MYO18A: variants seen among roughly 807,000 people sequenced by gnomAD.
MYO18A encodes the protein unconventional myosin-XVIIIa.
In MYO18A, 78 loss-of-function variants were observed where a neutral mutation model predicts 235.8. The ratio of observed to expected loss-of-function variants is 0.33; its 90% CI spans 0.28 to 0.40. MYO18A has a LOEUF of 0.40. Ranked by LOEUF, MYO18A falls within the 10% of genes least tolerant of loss-of-function variation. The probability of loss-of-function intolerance (pLI) is 1.00; values close to 1 mark genes in which losing one functional copy is unlikely to be tolerated. For synonymous variants in MYO18A, 977 were observed against 1,077.8 expected (o/e 0.91, Z 1.83); for missense variants, 2,215 against 2,699.3 (o/e 0.82, Z 3.98).
At chr17:29,076,402 G>A (rs1305907987) in intron 41 of MYO18A, 2 of 151,928 alleles carry the variant, frequency 1.3e-5, no homozygotes, top group African/African-American at 4.8e-5. Context: ...GTGCCCAGGG[G>A]TTATGTAAAG....
chr17:29,112,097 T>TTA (rs1487293443), intron 15 of MYO18A, among the ~76,000 whole-genome samples: 2 of 152,260 alleles, frequency 1.3e-5, no homozygotes, highest in East Asian at 3.9e-4. Flanking sequence ...AGAGGGTGCT[T>TTA]AGCACTCCAG....
chr17:29,080,322 G>T, intron 41 of MYO18A: 1 of 986,186 alleles, frequency 1.0e-6, no homozygotes, highest in Non-Finnish European at 1.2e-6. Flanking sequence ...GGACGCTGGA[G>T]CTGGGAGGCT....
chr17:29,164,860 G>A lies in MYO18A; in HGVS notation c.999+1082C>T, dbSNP rs186806927. Among the ~76,000 whole-genome samples the A allele has an allele frequency of 1.5e-3, 222 of 151,898 alleles. 1 individual carries two copies. Among genetic ancestry groups the A allele is most frequent in the Non-Finnish European group, 1.7e-3 (118 of 68,014 alleles). ...GTGCCTCCTGCTGCTCTTTTTGCGC[G>A]GGCAGCTGGGGTCTCAGTGACAGTC... On this transcript the variant is annotated intron_variant, in intron 2 of 41. Coordinates refer to ENST00000527372, the MANE Select transcript of MYO18A (RefSeq NM_078471.4).
chr17:29,090,650 C>A (rs1184476513), intron 35 of MYO18A, 35 bp from the exon 36 acceptor site: 1 of 1,585,214 alleles, frequency 6.3e-7, no homozygotes. Context: ...AAGCAGGATC[C>A]CCCATAAGCA....
chr17:29,079,369 C>T (rs1459027612), intron 41 of MYO18A, among the ~76,000 whole-genome samples: 1 of 152,238 alleles, frequency 6.6e-6, no homozygotes, highest in Non-Finnish European at 1.5e-5. Flanking sequence ...TTAACCTCTC[C>T]AAGCCTCAGC....
chr17:29,113,899 T>A (rs1453047682), intron 15 of MYO18A, 112 bp downstream of exon 15: 3 of 827,604 alleles, frequency 3.6e-6, no homozygotes, highest in Non-Finnish European at 2.0e-6. Context: ...GGACCCTCCC[T>A]CAGCCCACAG....
rs2067315661 is a variant in MYO18A, at chr17:29,126,144, G to C, written c.1000-3891C>G. 2.6e-5 allele frequency among the ~76,000 whole-genome samples: 4 copies of C among 152,154 alleles called. No individual in the cohort carries two copies. Among genetic ancestry groups the C allele is most frequent in the Admixed American group, 2.6e-4 (4 of 15,268 alleles). ...ATTAGAAAAAAAAGAACAAGTGCCT[G>C]GGAGTTCTGGGGTTATTTCTTCCCA... On this transcript the variant is annotated intron_variant, in intron 2 of 41. Coordinates refer to ENST00000527372, the MANE Select transcript of MYO18A (RefSeq NM_078471.4). The surrounding 1 kb of genome is among the most constrained non-coding windows in gnomAD (Gnocchi z 4.1).
chr17:29,168,320 C>A lies in MYO18A; in HGVS notation c.-81-1299G>T, dbSNP rs141280223. On this transcript the variant is annotated intron_variant, in intron 1 of 41. Coordinates refer to ENST00000527372, the MANE Select transcript of MYO18A (RefSeq NM_078471.4). ...AGCCCCAGGGTGTGTGAAACCTACCCACCAACCTACCCAACCCCCTGCACA... is the reference window on the plus strand; with the variant it reads ...AGCCCCAGGGTGTGTGAAACCTACCAACCAACCTACCCAACCCCCTGCACA... Among the ~76,000 whole-genome samples the A allele has an allele frequency of 4.3e-4, 66 of 152,258 alleles. 1 individual carries two copies. In the East Asian group the frequency reaches 0.012, roughly 28 times the overall value.
At chr17:29,096,667 T>A in intron 28 of MYO18A, 94 bp downstream of exon 28, 4 of 1,393,834 alleles carry the variant, frequency 2.9e-6, no homozygotes, top group Non-Finnish European at 2.8e-6. Flanking sequence ...CAAATTCAGG[T>A]CCTTCCTTCT....
rs2066527931 is a variant in MYO18A at position 29,096,768 on chromosome 17, GCTT to G, written c.4375_4377del (p.Lys1459del). ...GGCAGGGGGCCCACCCACCTCCTCT[GCTT>G]CTTCTCCAGTTCGTGGTTGCGGACC... On this transcript the variant is annotated inframe_deletion, in exon 28 of 42. Transcript: ENST00000527372. 1.9e-6 allele frequency: 3 copies of G among 1,602,408 alleles called. No homozygotes were observed. Among genetic ancestry groups the G allele is most frequent in the Non-Finnish European group, 2.6e-6 (3 of 1,174,010 alleles).
At chr17:29,132,022 C>A (rs570366779) in intron 2 of MYO18A, among the ~76,000 whole-genome samples, 3 of 152,180 alleles carry the variant, frequency 2.0e-5, no homozygotes, top group Non-Finnish European at 4.4e-5. Flanking sequence ...GGGGCAGAGG[C>A]GGAGATTCAG....
chr17:29,166,737 G>C lies in MYO18A; in HGVS notation c.204C>G (p.Ile68Met). The C allele has an allele frequency of 6.2e-7, 1 of 1,613,920 alleles. No homozygotes were observed. The change falls in exon 2 of 42, where the codon ATC becomes ATG. Residue 68 changes from isoleucine to methionine, a missense_variant. Ile to Met is a conservative substitution (Grantham distance 10). Coordinates refer to ENST00000527372, the MANE Select transcript of MYO18A (RefSeq NM_078471.4). ...GCAGGTCAGAGCCGCTGGCCACCTT[G>C]ATGGGGATGGGGTTGGAGATTTCCA... ...TRLEISNPIP[I>M]KVASGSDLHL...
At position 29,126,998 on chromosome 17, in the gene MYO18A, G is replaced by A. The variant is rs1403308175; in HGVS notation, c.1000-4745C>T. The stretch of plus-strand genomic sequence containing the variant: ...ATGCTGGCCAGGCCTAAAGAAGGCA[G>A]TGATGGCAGTGAGGGCATCAATAAC... On this transcript the variant is annotated intron_variant, in intron 2 of 41. Transcript: ENST00000527372. This position sits in a 1 kb window ranked among gnomAD's most constrained non-coding sequence, Gnocchi z 4.1. Among the ~76,000 whole-genome samples the A allele has an allele frequency of 6.6e-6, 1 of 152,232 alleles. No individual in the cohort carries two copies. Among genetic ancestry groups the A allele is most frequent in the East Asian group, 1.9e-4 (1 of 5,204 alleles).
chr17:29,143,185 G>C (rs1309380747), intron 2 of MYO18A, among the ~76,000 whole-genome samples: 1 of 152,224 alleles, frequency 6.6e-6, no homozygotes, highest in Non-Finnish European at 1.5e-5. Context: ...TGGGTTAAAA[G>C]AATTAGTTCA....
chr17:29,097,463 G>C, intron 26 of MYO18A, 113 bp from the exon 27 acceptor site: 1 of 1,410,200 alleles, frequency 7.1e-7, no homozygotes, highest in Non-Finnish European at 9.7e-7. Flanking sequence ...CCAGGGCTCA[G>C]AAAGCTCTCT....
chr17:29,166,242 G>A lies in MYO18A; in HGVS notation c.699C>T (p.Phe233=). ...CCAGCATGGTTGTGCGCCGCAGGGA[G>A]AAGCCAAAGTCTCCAGTGGGCCGTC... ...LQRRPTGDFG[F]SLRRTTMLDR... Residue 233 remains phenylalanine, a synonymous_variant, in exon 2 of 42, where the codon TTC becomes TTT. Transcript: ENST00000527372. The A allele has an allele frequency of 6.2e-7, 1 of 1,612,984 alleles. No individual in the cohort carries two copies.
chr17:29,154,121 T>TGTGTGTGTGCGCGCGC (rs142430455), intron 2 of MYO18A, among the ~76,000 whole-genome samples: 1 of 149,000 alleles, frequency 6.7e-6, no homozygotes, highest in Non-Finnish European at 1.5e-5. Context: ...TGTGTGTGTG[T>TGTGTGTGTGCGCGCGC]GCGCGCGCGT....
chr17:29,098,325 C>G, intron 24 of MYO18A, 31 bp downstream of exon 24: 1 of 1,613,278 alleles, frequency 6.2e-7, no homozygotes, highest in Non-Finnish European at 8.5e-7. Flanking sequence ...TGCAGCCATG[C>G]CCAGTCGGTG....
intron 2 of MYO18A, chr17:29,131,390 T>G: frequency 1.0e-6 from 1 of 985,906 alleles, no homozygotes; most frequent in Non-Finnish European, 1.2e-6. Flanking sequence ...TACAGCCCCT[T>G]CCTCCTTGCC....
Sources: gnomAD v4.1 joint callset for allele counts (sites outside exome capture counted in the v4.1 genomes callset) on GRCh38, gnomAD v4.1.1 for gene constraint, Gnocchi (gnomAD v3.1) non-coding constraint, MANE v1.5 for transcripts, NCBI Gene and HGNC (gene_info 2026-07-23, HGNC 2026-07-21) for gene names.